TANC2: variants seen among roughly 807,000 people sequenced by gnomAD.
The protein encoded by TANC2 is tetratricopeptide repeat, ankyrin repeat and coiled-coil containing 2.
In TANC2, 26 loss-of-function variants were observed where a neutral mutation model predicts 210.5. The observed-to-expected ratio is 0.12, with a 90% CI of 0.09 to 0.17. The LOEUF (loss-of-function observed/expected upper bound fraction) is 0.17, where lower values mean the gene tolerates loss of function less well. Among genes scored for constraint, TANC2 ranks in the 10% least tolerant of loss-of-function variants. The pLI is 1.00. For missense variants in TANC2, 2,129 were observed against 2,608.9 expected (o/e 0.82, Z 4.01); for synonymous variants, 931 against 967.1 (o/e 0.96, Z 0.69).
intron 9 of TANC2, among the ~76,000 whole-genome samples, chr17:63,288,517 G>A (rs762839088): frequency 1.3e-4 from 20 of 152,270 alleles, no homozygotes; most frequent in Non-Finnish European, 2.6e-4. Context: ...AGTCATCTAT[G>A]GATGTCAGTT....
At chr17:63,021,902 A>G (rs2034363617) in intron 2 of TANC2, among the ~76,000 whole-genome samples, 1 of 152,210 alleles carries the variant, frequency 6.6e-6, no homozygotes, top group East Asian at 1.9e-4. Flanking sequence ...AGAAATGTGG[A>G]CAGTAAAGAC....
chr17:63,209,587 C>T (rs894215924), intron 7 of TANC2, among the ~76,000 whole-genome samples: 3 of 152,216 alleles, frequency 2.0e-5, no homozygotes, highest in Middle Eastern at 6.8e-3. Flanking sequence ...GCACGCACCA[C>T]CATGCCTGTC....
At chr17:63,020,171 G>A (rs1002341557) in intron 2 of TANC2, among the ~76,000 whole-genome samples, 3 of 152,182 alleles carry the variant, frequency 2.0e-5, no homozygotes, top group East Asian at 3.8e-4. Flanking sequence ...CAGGTGATCC[G>A]CCTGCCTTGG....
intron 9 of TANC2, among the ~76,000 whole-genome samples, chr17:63,298,768 ATTATTT>A (rs1275471916): frequency 1.3e-5 from 2 of 152,088 alleles, no homozygotes; most frequent in Non-Finnish European, 2.9e-5. Context: ...TTTATTTTAT[ATTATTT>A]TAAGTTCCAG....
intron 2 of TANC2, among the ~76,000 whole-genome samples, chr17:63,011,815 A>G (rs1266691332): frequency 6.6e-6 from 1 of 151,926 alleles, no homozygotes; most frequent in Admixed American, 6.6e-5. Context: ...CTGTGTGCTT[A>G]TGCTGTTAAT....
chr17:63,350,971 A>C (rs2146874493), intron 12 of TANC2, among the ~76,000 whole-genome samples: 1 of 152,124 alleles, frequency 6.6e-6, no homozygotes, highest in East Asian at 1.9e-4. Flanking sequence ...TAACTCCAAT[A>C]CTCAGGCTGT....
At chr17:63,056,174 TAAA>T (rs79110107) in intron 2 of TANC2, among the ~76,000 whole-genome samples, 7 of 118,852 alleles carry the variant, frequency 5.9e-5, no homozygotes, top group Non-Finnish European at 8.9e-5. Flanking sequence ...GACTCTGTGT[TAAA>T]AAAAAAAAAA....
intron 7 of TANC2, among the ~76,000 whole-genome samples, chr17:63,216,403 G>C (rs2042027886): frequency 6.6e-6 from 1 of 152,104 alleles, no homozygotes; most frequent in South Asian, 2.1e-4. Context: ...GGTTATTCCT[G>C]AGTTGTACCC....
At chr17:63,299,910 T>C (rs2044656944) in intron 9 of TANC2, among the ~76,000 whole-genome samples, 1 of 152,154 alleles carries the variant, frequency 6.6e-6, no homozygotes, top group South Asian at 2.1e-4. Flanking sequence ...GTTTTTATGG[T>C]TTAGGGTTTT....
At chr17:63,126,375 ACT>A (rs1461687546) in intron 4 of TANC2, among the ~76,000 whole-genome samples, 2 of 152,130 alleles carry the variant, frequency 1.3e-5, no homozygotes, top group African/African-American at 4.8e-5. Context: ...AAGAGCCTTT[ACT>A]CACTAAGGTT....
intron 3 of TANC2, among the ~76,000 whole-genome samples, chr17:63,081,954 A>C (rs1460752775): frequency 2.0e-5 from 3 of 152,260 alleles, no homozygotes; most frequent in Non-Finnish European, 2.9e-5. Context: ...TCACGAGATC[A>C]GGAGATCAAG....
intron 4 of TANC2, among the ~76,000 whole-genome samples, chr17:63,107,599 T>C (rs1437694382): frequency 2.0e-5 from 3 of 151,844 alleles, no homozygotes; most frequent in Admixed American, 2.0e-4. Context: ...CATCAGCTGA[T>C]GAGTGGATAA....
chr17:63,071,032 G>A (rs74361300), intron 2 of TANC2, among the ~76,000 whole-genome samples: 4,495 of 152,222 alleles, frequency 0.03, 82 homozygotes, highest in South Asian at 0.038. Context: ...TCATATATCA[G>A]TGTCATGAGC....
At chr17:63,016,237 T>C (rs955760081) in intron 2 of TANC2, among the ~76,000 whole-genome samples, 3 of 152,174 alleles carry the variant, frequency 2.0e-5, no homozygotes, top group African/African-American at 7.2e-5. Flanking sequence ...TTAAACCACA[T>C]TATTATATGT....
chr17:62,988,643 T>TA (rs1393167147), intron 1 of TANC2, among the ~76,000 whole-genome samples: 2 of 152,170 alleles, frequency 1.3e-5, no homozygotes, highest in African/African-American at 4.8e-5. Flanking sequence ...TGCTTTGGGT[T>TA]ACAGCCAAAA....
At chr17:63,117,135 A>G (rs1292618603) in intron 4 of TANC2, 1 of 152,202 alleles carries the variant, frequency 6.6e-6, no homozygotes, top group Non-Finnish European at 1.5e-5. Context: ...TGACAACAGC[A>G]GCACTGCACC....
In TANC2 at chr17:63,412,688, AC is replaced by A; in HGVS notation, c.3908del (p.Thr1303SerfsTer22). ...TTCTCCTTTCTTTGAAGGTTGTCAG[AC>A]GTTACCGAGTCGCCCACGAGGTATA... On this transcript the variant is annotated frameshift_variant, in exon 24 of 28. Coordinates refer to ENST00000689528, the Ensembl canonical transcript of TANC2. LOFTEE classifies it high-confidence loss of function. The surrounding 1 kb of genome is among the most constrained non-coding windows in gnomAD (Gnocchi z 4.2). 1 of 1,532,462 alleles carries A rather than the reference AC, an allele frequency of 6.5e-7. No homozygotes were observed. Among genetic ancestry groups the A allele is most frequent in the Non-Finnish European group, 8.7e-7 (1 of 1,146,442 alleles). 94.9% of individuals were successfully genotyped at this position (1,532,462 alleles called of 1,614,324 possible). A position where few individuals can be genotyped will look rare whatever the true frequency, so the allele number is the denominator to read the frequency against.
At chr17:63,085,661 A>C (rs2036934566) in intron 3 of TANC2, among the ~76,000 whole-genome samples, 1 of 152,092 alleles carries the variant, frequency 6.6e-6, no homozygotes, top group Non-Finnish European at 1.5e-5. Flanking sequence ...TCACACACAC[A>C]CAAGCATACA....
chr17:63,156,748 C>T lies in TANC2; in HGVS notation c.433+5368C>T, dbSNP rs1598489265. Reference sequence around the variant, plus strand: ...CTCTCTCTTTAAATAGAGATGAGATCTCCCTATGTTGCCTAGGCATACTGC... The same window carrying T: ...CTCTCTCTTTAAATAGAGATGAGATTTCCCTATGTTGCCTAGGCATACTGC... On this transcript the variant is annotated intron_variant, in intron 5 of 27. Transcript: ENST00000689528. Among the ~76,000 whole-genome samples the T allele has an allele frequency of 2.0e-5, 3 of 151,936 alleles. No individual in the cohort carries two copies. In the East Asian group the frequency reaches 5.8e-4, roughly 29 times the overall value.
Sources: allele counts gnomAD v4.1 joint callset (sites outside exome capture counted in the v4.1 genomes callset), GRCh38; gene constraint gnomAD v4.1.1; non-coding constraint Gnocchi (gnomAD v3.1); transcripts MANE v1.5; gene names NCBI Gene and HGNC (gene_info 2026-07-23, HGNC 2026-07-21).